SMARCA4: variants seen among roughly 807,000 people sequenced by gnomAD.
SMARCA4 encodes SWI/SNF related BAF chromatin remodeling complex subunit ATPase 4.
Under a neutral mutation model 193.9 loss-of-function variants are expected in SMARCA4, and 31 were observed. The ratio of observed to expected loss-of-function variants is 0.16; its 90% CI spans 0.12 to 0.22. The LOEUF (loss-of-function observed/expected upper bound fraction) is 0.22, where lower values mean the gene tolerates loss of function less well. Among genes scored for constraint, SMARCA4 ranks in the 10% least tolerant of loss-of-function variants. The probability of loss-of-function intolerance (pLI) is 1.00; values close to 1 mark genes in which losing one functional copy is unlikely to be tolerated. For synonymous variants in SMARCA4, 942 were observed against 933.1 expected (o/e 1.01, Z -0.17); for missense variants, 1,148 against 2,296.0 (o/e 0.50, Z 10.22).
At position 11,054,713 on chromosome 19, in the gene SMARCA4, C is replaced by G. The variant is rs2076445800; in HGVS notation, c.4425-3542C>G. On this transcript the variant is annotated intron_variant, in intron 30 of 34. Coordinates refer to ENST00000344626, the MANE Select transcript of SMARCA4 (RefSeq NM_003072.5). ...CTGAGGCAGGAGAATCGCTTGAACCCTGGAGGCAGAGGTTGCAGTGAGCCG... is the reference window on the plus strand; with the variant it reads ...CTGAGGCAGGAGAATCGCTTGAACCGTGGAGGCAGAGGTTGCAGTGAGCCG... 2.0e-5 allele frequency among the ~76,000 whole-genome samples: 3 copies of G among 152,130 alleles called. No homozygotes were observed. The South Asian group carries it at 6.2e-4, about 32-fold the overall frequency.
At chr19:11,026,173 C>T (rs556365150) in intron 22 of SMARCA4, 127 bp from the exon 23 acceptor site, 11 of 786,172 alleles carry the variant, frequency 1.4e-5, no homozygotes, top group African/African-American at 3.4e-5. Flanking sequence ...TCAGAGCCGC[C>T]GTGGGCCCGT....
chr19:10,963,341 C>T (rs1034485694), intron 1 of SMARCA4, among the ~76,000 whole-genome samples: 4 of 145,430 alleles, frequency 2.8e-5, no homozygotes, highest in Non-Finnish European at 6.0e-5. Context: ...CCCCTGCATT[C>T]CAGCCTGTGC....
In SMARCA4 at chr19:11,058,352, A is replaced by G; in HGVS notation, c.4522A>G (p.Lys1508Glu). The G allele has an allele frequency of 6.2e-7, 1 of 1,610,284 alleles. No individual in the cohort carries two copies. Among genetic ancestry groups the G allele is most frequent in the Non-Finnish European group, 8.5e-7 (1 of 1,176,810 alleles). The change falls in exon 31 of 35, where the codon AAG (lysine) becomes GAG (glutamate). Residue 1508 changes from lysine to glutamate, a missense_variant. Physicochemically the swap from Lys to Glu is moderately conservative, Grantham distance 56 (BLOSUM62 1). Around this residue, in one of 17 missense-constraint regions of SMARCA4, gnomAD observed 141 missense variants for 193.0 expected, o/e 0.73. Coordinates refer to ENST00000344626, the MANE Select transcript of SMARCA4 (RefSeq NM_003072.5). The surrounding 1 kb of genome is among the most constrained non-coding windows in gnomAD (Gnocchi z 5.8). ...GCTCATCCGCAAGCCCGTGGACTTC[A>G]AGAAGATAAAGGTAACCCTGACGTT... ...YELIRKPVDF[K>E]KIKERIRNHK...
At chr19:10,962,674 C>T (rs936024407) in intron 1 of SMARCA4, among the ~76,000 whole-genome samples, 1 of 152,100 alleles carries the variant, frequency 6.6e-6, no homozygotes, top group Admixed American at 6.6e-5. Flanking sequence ...TCCTGAGTAG[C>T]TGGGACTACA....
In SMARCA4 at chr19:11,025,541, C is replaced by T. The variant is rs199539882; in HGVS notation, c.3168+33C>T. ...CGCCGCGGCTGGGACGGCTCAGGCC[C>T]TGCTGTCTGCTGAGCTCCTAGGCAG... On this transcript the variant is annotated intron_variant, in intron 22 of 34. Transcript: ENST00000344626. 3,737 of 1,483,480 alleles carry T rather than the reference C, an allele frequency of 2.5e-3. 8 individuals are homozygous for T. Among genetic ancestry groups the T allele is most frequent in the Non-Finnish European group, 3.3e-3 (3,525 of 1,063,530 alleles). 91.9% of individuals were successfully genotyped at this position (1,483,480 alleles called of 1,614,324 possible). A position where few individuals can be genotyped will look rare whatever the true frequency, so the allele number is the denominator to read the frequency against.
Position 10,967,280 on chromosome 19 carries a change from G to A in SMARCA4, c.-32+6106G>A, listed in dbSNP as rs564369009. On this transcript the variant is annotated intron_variant, in intron 1 of 34. Coordinates refer to ENST00000344626, the MANE Select transcript of SMARCA4 (RefSeq NM_003072.5). The stretch of plus-strand genomic sequence containing the variant: ...TTCCCTCCAATTCCCTCAGGGAAGG[G>A]GGCTTTCTTGTTTTTATTTTATTTT... 9.2e-5 allele frequency among the ~76,000 whole-genome samples: 14 copies of A among 152,126 alleles called. No individual in the cohort carries two copies. In the East Asian group the frequency reaches 2.7e-3, roughly 29 times the overall value.
At position 11,058,395 on chromosome 19, in the gene SMARCA4, G is replaced by A. The variant is rs1180263478; in HGVS notation, c.4533+32G>A. ...CTGACGTTGTACCTGCGCCCCGCAT[G>A]TGCCCGGAGGGGAGTCTGACCCAGG... On this transcript the variant is annotated intron_variant, in intron 31 of 34. Transcript: ENST00000344626. The surrounding 1 kb of genome is among the most constrained non-coding windows in gnomAD (Gnocchi z 5.8). 1 of 1,468,350 alleles carries A rather than the reference G, an allele frequency of 6.8e-7. No individual in the cohort carries two copies. Among genetic ancestry groups the A allele is most frequent in the Non-Finnish European group, 9.5e-7 (1 of 1,049,258 alleles). The allele number at this position is 1,468,350 out of a possible 1,614,324, so 91.0% of individuals were successfully genotyped here.
At chr19:10,996,798 C>A (rs916214596) in intron 11 of SMARCA4, among the ~76,000 whole-genome samples, 113 of 152,240 alleles carry the variant, frequency 7.4e-4, no homozygotes, top group African/African-American at 2.6e-3. Flanking sequence ...GTCCGACTTA[C>A]AGGAGAGGTG....
At chr19:11,025,708 A>C (rs1806193698) in intron 22 of SMARCA4, 200 bp downstream of exon 22, 1 of 583,824 alleles carries the variant, frequency 1.7e-6, no homozygotes, top group Non-Finnish European at 3.2e-6. Flanking sequence ...AACGTGCGAT[A>C]GGAATATAGG....
At chr19:11,002,818 A>AT (rs1367435203) in intron 11 of SMARCA4, among the ~76,000 whole-genome samples, 1 of 151,876 alleles carries the variant, frequency 6.6e-6, no homozygotes, top group Non-Finnish European at 1.5e-5. Flanking sequence ...AAAAAAAAAA[A>AT]AAAGAAGAAA....
chr19:10,972,759 C>T (rs113920913), intron 1 of SMARCA4, among the ~76,000 whole-genome samples: 4 of 152,174 alleles, frequency 2.6e-5, no homozygotes, highest in African/African-American at 9.7e-5. Context: ...TAGCTGATAA[C>T]ACAGCAGACC....
At chr19:11,000,176 A>G (rs982318492) in intron 11 of SMARCA4, among the ~76,000 whole-genome samples, 2 of 150,682 alleles carry the variant, frequency 1.3e-5, no homozygotes, top group African/African-American at 4.9e-5. Context: ...GCAGTGAGCC[A>G]GGTTCATGGC....
chr19:11,045,886 A>G (rs1271749184), intron 30 of SMARCA4, among the ~76,000 whole-genome samples: 1 of 152,086 alleles, frequency 6.6e-6, no homozygotes, highest in Non-Finnish European at 1.5e-5. Flanking sequence ...AGTTCAGATG[A>G]GCCTGGCCAA....
chr19:11,012,842 C>A, intron 15 of SMARCA4, 107 bp from the exon 16 acceptor site: 1 of 1,013,058 alleles, frequency 9.9e-7, no homozygotes, highest in Non-Finnish European at 1.6e-6. Flanking sequence ...TGGGATGTGG[C>A]TTAGGCAGAA....
intron 1 of SMARCA4, among the ~76,000 whole-genome samples, chr19:10,982,938 C>T (rs1568414581): frequency 6.6e-6 from 1 of 152,214 alleles, no homozygotes; most frequent in Non-Finnish European, 1.5e-5. Flanking sequence ...AGAAACAAGA[C>T]AGATTTGCGA....
At chr19:11,011,570 A>G (rs997897598) in intron 15 of SMARCA4, 9 of 152,266 alleles carry the variant, frequency 5.9e-5, no homozygotes, top group Non-Finnish European at 1.3e-4. Flanking sequence ...GCTAGTATCA[A>G]CATTCAAAGC....
At chr19:10,967,020 G>C (rs1425081741) in intron 1 of SMARCA4, among the ~76,000 whole-genome samples, 2 of 152,208 alleles carry the variant, frequency 1.3e-5, no homozygotes, top group Non-Finnish European at 2.9e-5. Context: ...CACCCTCATA[G>C]GTGTCAACCC....
At position 10,986,376 on chromosome 19, in the gene SMARCA4, A is replaced by G. The variant is rs2145777925; in HGVS notation, c.543A>G (p.Arg181=). The stretch of plus-strand genomic sequence containing the variant: ...ACCAGAACCAGCTGCACCAGCTCAG[A>G]GCTCAGATCATGGCCTACAAGATGC... ...PFNQNQLHQL[R]AQIMAYKMLA... The change falls in exon 4 of 35, where the codon AGA becomes AGG. Residue 181 remains arginine (R), a synonymous_variant. Coordinates refer to ENST00000344626, the MANE Select transcript of SMARCA4 (RefSeq NM_003072.5). The surrounding 1 kb of genome is among the most constrained non-coding windows in gnomAD (Gnocchi z 6.7). 6.2e-7 allele frequency: 1 copy of G among 1,606,886 alleles called. No individual in the cohort carries two copies. Among genetic ancestry groups the G allele is most frequent in the Non-Finnish European group, 8.5e-7 (1 of 1,177,078 alleles).
At chr19:11,054,860 T>C (rs2076453272) in intron 30 of SMARCA4, among the ~76,000 whole-genome samples, 1 of 152,046 alleles carries the variant, frequency 6.6e-6, no homozygotes, top group Non-Finnish European at 1.5e-5. Context: ...GAGCCCACAT[T>C]CCCATGGGGG....
Sources: allele counts gnomAD v4.1 joint callset (sites outside exome capture counted in the v4.1 genomes callset), GRCh38; gene constraint gnomAD v4.1.1; regional missense constraint gnomAD v4.1.1; non-coding constraint Gnocchi (gnomAD v3.1); transcripts MANE v1.5; gene names NCBI Gene and HGNC (gene_info 2026-07-23, HGNC 2026-07-21).